Variants in PKHD1L1 observed in about 807,000 individuals in gnomAD.
The protein encoded by PKHD1L1 is PKHD1 like 1.
PKHD1L1 carries 434 observed loss-of-function variants against 462.9 expected under a neutral mutation model. The ratio of observed to expected loss-of-function variants is 0.94; its 90% CI spans 0.87 to 1.02. PKHD1L1 has a LOEUF of 1.02. Among genes scored for constraint, PKHD1L1 ranks in the 50% least tolerant of loss-of-function variants. The probability of loss-of-function intolerance (pLI) is 0.00; values close to 1 mark genes in which losing one functional copy is unlikely to be tolerated. For missense variants in PKHD1L1, 5,202 were observed against 5,096.1 expected (o/e 1.02, Z -0.63); for synonymous variants, 1,781 against 1,750.0 (o/e 1.02, Z -0.44).
At position 109,464,392 on chromosome 8, in the gene PKHD1L1, T is replaced by A; in HGVS notation, c.7560T>A (p.Asp2520Glu). The change falls in exon 49 of 78, where the codon GAT (aspartate) becomes GAA (glutamate). Residue 2520 changes from aspartate to glutamate, a missense_variant. By Grantham distance (45) the Asp-to-Glu change is conservative (BLOSUM62 2). This residue lies in a region of PKHD1L1 where 4,497 missense variants were observed against 4,336.8 expected (regional missense o/e 1.04). Coordinates refer to ENST00000378402, the MANE Select transcript of PKHD1L1 (RefSeq NM_177531.6). ...TGGTTGAGAGGAATATTATATATGA[T>A]ATTAAGGGAGGAGCATTTTTTATAG... is the stretch of plus-strand genomic sequence containing the variant. ...HLLVERNIIYDIKGGAFFIED... is the reference protein window; with the variant it reads ...HLLVERNIIYEIKGGAFFIED... 1.2e-6 allele frequency: 2 copies of A among 1,613,450 alleles called. No individual in the cohort carries two copies. The highest frequency in any genetic ancestry group is 1.1e-5 in the South Asian group (1 of 91,052).
rs75027210 is a variant in PKHD1L1, at chr8:109,496,151, T to G, written c.10328-768T>G. On this transcript the variant is annotated intron_variant, in intron 63 of 77. Coordinates refer to ENST00000378402, the MANE Select transcript of PKHD1L1 (RefSeq NM_177531.6). ...AAGACCACCTATCTCTGTACTACCT[T>G]CTAGGCTCCAAGAAATGATGGTGAA... is the stretch of plus-strand genomic sequence containing the variant. Among the ~76,000 whole-genome samples, 879 of 152,320 alleles carry G rather than the reference T, an allele frequency of 5.8e-3. 8 individuals carry two copies. The highest frequency in any genetic ancestry group is 0.02 in the African/African-American group (848 of 41,574).
intron 2 of PKHD1L1, among the ~76,000 whole-genome samples, chr8:109,365,900 G>T (rs916347217): frequency 6.6e-6 from 1 of 152,162 alleles, no homozygotes; most frequent in Non-Finnish European, 1.5e-5. Context: ...CTTGAACCCA[G>T]GAGGCAGAGG....
chr8:109,467,939 G>T (rs1459252403), intron 50 of PKHD1L1, among the ~76,000 whole-genome samples: 1 of 152,044 alleles, frequency 6.6e-6, no homozygotes. Context: ...CAGAATCCAA[G>T]TGCACTTATT....
chr8:109,475,681 ACAAAAAAAAAAAAAGATTAG>A (rs1219336974), intron 51 of PKHD1L1, among the ~76,000 whole-genome samples: 1 of 149,622 alleles, frequency 6.7e-6, no homozygotes, highest in African/African-American at 2.5e-5. Context: ...TATTAAAAAT[ACAAAAAAAAAAAAAGATTAG>A]CCGGGTGTGG....
intron 23 of PKHD1L1, among the ~76,000 whole-genome samples, chr8:109,423,179 G>C (rs1271232306): frequency 6.7e-6 from 1 of 148,378 alleles, no homozygotes; most frequent in Admixed American, 6.7e-5. Flanking sequence ...TTTCTTTTTT[G>C]AACGGTGCTT....
chr8:109,454,370 CT>C (rs1443423274), intron 44 of PKHD1L1, 124 bp downstream of exon 44: 1 of 693,332 alleles, frequency 1.4e-6, no homozygotes, highest in Non-Finnish European at 2.3e-6. Flanking sequence ...GTTTAGGTCT[CT>C]GTTATTGGTA....
chr8:109,456,358 G>T lies in PKHD1L1; in HGVS notation c.6971G>T (p.Gly2324Val), dbSNP rs1239377455. The T allele has an allele frequency of 6.2e-7, 1 of 1,610,070 alleles. No homozygotes were observed. The highest frequency in any genetic ancestry group is 8.5e-7 in the Non-Finnish European group (1 of 1,177,956). Residue 2324 changes from glycine to valine, a missense_variant, in exon 46 of 78, where the codon GGA (glycine) becomes GTA (valine). Physicochemically the swap from Gly to Val is moderately radical, Grantham distance 109 (BLOSUM62 -3). Transcript: ENST00000378402. The part of the protein sequence containing the change: ...ILQEAVTWKP[G>V]DNIVIASTGH... Reference sequence around the variant, plus strand: ...CAAGAAGCAGTAACATGGAAACCAGGAGATAACATTGTAATTGCAAGCACA... The same window carrying T: ...CAAGAAGCAGTAACATGGAAACCAGTAGATAACATTGTAATTGCAAGCACA...
chr8:109,442,637 C>A (rs981849545), intron 35 of PKHD1L1, among the ~76,000 whole-genome samples: 3 of 151,840 alleles, frequency 2.0e-5, no homozygotes, highest in African/African-American at 7.3e-5. Flanking sequence ...ACCTTTCACT[C>A]ACGAAAAAAA....
In PKHD1L1 at chr8:109,464,341, T is replaced by C; in HGVS notation, c.7509T>C (p.Val2503=). The change falls in exon 49 of 78, where the codon GTT becomes GTC. Residue 2503 remains valine (V), a synonymous_variant. Coordinates refer to ENST00000378402, the MANE Select transcript of PKHD1L1 (RefSeq NM_177531.6). The part of the protein sequence containing the change: ...CAIHQAYNRA[V]TIHNTHHLLV... ...TTCACCAGGCCTATAACAGAGCTGT[T>C]ACTATTCATAACACACACCATCTTC... The C allele has an allele frequency of 6.2e-7, 1 of 1,613,406 alleles. No individual in the cohort carries two copies. The highest frequency in any genetic ancestry group is 8.5e-7 in the Non-Finnish European group (1 of 1,179,592).
chr8:109,406,192 C>T (rs964930282), intron 16 of PKHD1L1, 143 bp from the exon 17 acceptor site: 46 of 676,990 alleles, frequency 6.8e-5, no homozygotes, highest in African/African-American at 9.3e-5. Context: ...TTTCAAAATA[C>T]AATTTCTCTA....
intron 19 of PKHD1L1, among the ~76,000 whole-genome samples, chr8:109,411,224 ATAGAG>A (rs1182545318): frequency 5.9e-5 from 9 of 152,162 alleles, no homozygotes; most frequent in East Asian, 3.9e-4. Flanking sequence ...TTTCTTTAAT[ATAGAG>A]TAAAGGAAGA....
rs1815617120 is a variant in PKHD1L1, at chr8:109,439,051, T to C, written c.3915T>C (p.Asp1305=). The change falls in exon 32 of 78, where the codon GAT becomes GAC. Residue 1305 remains aspartate, a synonymous_variant. Coordinates refer to ENST00000378402, the MANE Select transcript of PKHD1L1 (RefSeq NM_177531.6). The part of the protein sequence containing the change: ...LLPKLSPGKH[D]IYVEVRNWGF... ...CCAAGTTGTCTCCTGGAAAACATGATATCTATGTAGAAGTCAGAAACTGGG... is the reference window on the plus strand; with the variant it reads ...CCAAGTTGTCTCCTGGAAAACATGACATCTATGTAGAAGTCAGAAACTGGG... 2 of 1,613,406 alleles carry C rather than the reference T, an allele frequency of 1.2e-6. No homozygotes were observed. The highest frequency in any genetic ancestry group is 1.7e-6 in the Non-Finnish European group (2 of 1,179,638).
chr8:109,401,713 T>A, intron 14 of PKHD1L1, 125 bp downstream of exon 14: 2 of 527,212 alleles, frequency 3.8e-6, no homozygotes, highest in South Asian at 3.7e-5. Flanking sequence ...TAATTTATAA[T>A]TGGTCATTCT....
intron 13 of PKHD1L1, among the ~76,000 whole-genome samples, chr8:109,401,060 G>A (rs749473895): frequency 2.6e-5 from 4 of 152,214 alleles, no homozygotes; most frequent in Admixed American, 1.3e-4. Flanking sequence ...CATTCCTAAT[G>A]GGAAGCCCAA....
chr8:109,492,459 AC>A (rs1342915928), intron 62 of PKHD1L1, among the ~76,000 whole-genome samples: 1 of 151,900 alleles, frequency 6.6e-6, no homozygotes, highest in Non-Finnish European at 1.5e-5. Context: ...AAGATTACAA[AC>A]AAGAAAAGAG....
In PKHD1L1 at chr8:109,366,861, T is replaced by G. The variant is rs139442229; in HGVS notation, c.163+2225T>G. Among the ~76,000 whole-genome samples the G allele has an allele frequency of 6.4e-3, 967 of 152,032 alleles. 7 individuals carry two copies. Among genetic ancestry groups the G allele is most frequent in the Middle Eastern group, 0.051 (15 of 294 alleles). ...GTGCCTGCCACCACATCTGGCTAATTTTTTGTATTTTTAGTAGAGATGGGG... is the reference window on the plus strand; with the variant it reads ...GTGCCTGCCACCACATCTGGCTAATGTTTTGTATTTTTAGTAGAGATGGGG... On this transcript the variant is annotated intron_variant, in intron 2 of 77. Transcript: ENST00000378402.
At chr8:109,524,846 T>A (rs552796220) in intron 76 of PKHD1L1, among the ~76,000 whole-genome samples, 1 of 149,230 alleles carries the variant, frequency 6.7e-6, no homozygotes, top group Admixed American at 6.7e-5. Flanking sequence ...CTTCTGTCCT[T>A]CCTTCCATCC....
rs1812097466 is a variant in PKHD1L1 at position 109,381,246 on chromosome 8, T to C, written c.164-124T>C. The C allele has an allele frequency of 3.1e-5, 26 of 831,676 alleles. No homozygotes were observed. In the Middle Eastern group the frequency reaches 1.9e-3, roughly 59 times the overall value. The allele number at this position is 831,676 out of a possible 1,614,324, so 51.5% of individuals were successfully genotyped here. On this transcript the variant is annotated intron_variant, in intron 2 of 77. Coordinates refer to ENST00000378402, the MANE Select transcript of PKHD1L1 (RefSeq NM_177531.6). ...TACAATCATAAGGATAAATATGAAA[T>C]AGGTTCACTGCTTCAGTAATGTTTA...
chr8:109,403,931 C>T (rs1813398962), intron 14 of PKHD1L1, among the ~76,000 whole-genome samples: 1 of 152,080 alleles, frequency 6.6e-6, no homozygotes, highest in Non-Finnish European at 1.5e-5. Flanking sequence ...TCAGTGAAGG[C>T]ACTACCTTGG....
Sources: gnomAD v4.1 joint callset for allele counts (sites outside exome capture counted in the v4.1 genomes callset) on GRCh38, gnomAD v4.1.1 for gene constraint, gnomAD v4.1.1 regional missense constraint, MANE v1.5 for transcripts, NCBI Gene and HGNC (gene_info 2026-07-23, HGNC 2026-07-21) for gene names.